The following ERBB4 variants were observed in gnomAD, a reference collection of about 807,000 sequenced individuals.
ERBB4 encodes receptor tyrosine-protein kinase erbB-4.
ERBB4 carries 42 observed loss-of-function variants against 158.0 expected under a neutral mutation model. The ratio of observed to expected loss-of-function variants is 0.27; its 90% CI spans 0.21 to 0.34. The LOEUF (loss-of-function observed/expected upper bound fraction) is 0.34, where lower values mean the gene tolerates loss of function less well. Among genes scored for constraint, ERBB4 ranks in the 10% least tolerant of loss-of-function variants. The pLI is 1.00. For missense variants in ERBB4, 1,333 were observed against 1,624.1 expected (o/e 0.82, Z 3.08); for synonymous variants, 583 against 558.7 (o/e 1.04, Z -0.61).
In ERBB4 at chr2:211,522,415, A is replaced by T. The variant is rs369820907; in HGVS notation, c.2487+39488T>A. 1.2e-3 allele frequency among the ~76,000 whole-genome samples: 186 copies of T among 151,626 alleles called. 1 individual carries two copies. Among genetic ancestry groups the T allele is most frequent in the African/African-American group, 4.2e-3 (172 of 40,936 alleles). ...CAATCTCATGTTAAAACTTCAATGG[A>T]TGAGTAGTTGTTTCTTATGGATGAG... On this transcript the variant is annotated intron_variant, in intron 20 of 27. Coordinates refer to ENST00000342788, the MANE Select transcript of ERBB4 (RefSeq NM_005235.3).
chr2:212,003,399 A>G (rs1350307742), intron 2 of ERBB4, among the ~76,000 whole-genome samples: 1 of 151,862 alleles, frequency 6.6e-6, no homozygotes, highest in African/African-American at 2.4e-5. Context: ...GTATAACTCA[A>G]TATGATGGAG....
chr2:211,959,120 T>TCCATCCAC (rs1192898778), intron 2 of ERBB4, among the ~76,000 whole-genome samples: 5 of 152,080 alleles, frequency 3.3e-5, no homozygotes, highest in Admixed American at 3.3e-4. Flanking sequence ...CATCCATCCA[T>TCCATCCAC]CCATCCACCC....
intron 1 of ERBB4, among the ~76,000 whole-genome samples, chr2:212,430,703 A>G (rs543343774): frequency 6.6e-6 from 1 of 152,274 alleles, no homozygotes; most frequent in East Asian, 1.9e-4. Context: ...ATTATGTTGT[A>G]TACATATTGA....
rs182611223 is a variant in ERBB4 at position 212,030,827 on chromosome 2, G to A, written c.235-83211C>T. Among the ~76,000 whole-genome samples the A allele has an allele frequency of 6.6e-5, 10 of 152,166 alleles. No homozygotes were observed. The East Asian group carries it at 1.9e-3, about 29-fold the overall frequency. ...ATTGTAAGCAGAGAAAGTTCCAGGA[G>A]GTAAAACCATCAGTCGTGGGTAGTT... is the stretch of plus-strand genomic sequence containing the variant. On this transcript the variant is annotated intron_variant, in intron 2 of 27. Coordinates refer to ENST00000342788, the MANE Select transcript of ERBB4 (RefSeq NM_005235.3).
Position 212,202,227 on chromosome 2 carries a change from G to T in ERBB4, c.83-77324C>A, listed in dbSNP as rs1227755538. On this transcript the variant is annotated intron_variant, in intron 1 of 27. Coordinates refer to ENST00000342788, the MANE Select transcript of ERBB4 (RefSeq NM_005235.3). ...TTATAAGTGATAGTAACTTTCTTTG[G>T]TTTTATCAATAGTGCATATTCATCA... Among the ~76,000 whole-genome samples the T allele has an allele frequency of 2.0e-5, 3 of 151,776 alleles. No homozygotes were observed. In the East Asian group the frequency reaches 5.8e-4, roughly 29 times the overall value.
chr2:212,391,819 T>C (rs2090882510), intron 1 of ERBB4, among the ~76,000 whole-genome samples: 1 of 147,008 alleles, frequency 6.8e-6, no homozygotes, highest in Non-Finnish European at 1.5e-5. Context: ...GGATTATATA[T>C]AAAAGAAGTT....
chr2:212,207,296 G>C (rs1006227350), intron 1 of ERBB4, among the ~76,000 whole-genome samples: 1 of 152,110 alleles, frequency 6.6e-6, no homozygotes, highest in African/African-American at 2.4e-5. Flanking sequence ...AGAAAGTGGA[G>C]TCAATATAAG....
chr2:211,682,634 T>C (rs1011602066), intron 12 of ERBB4, among the ~76,000 whole-genome samples: 7 of 152,250 alleles, frequency 4.6e-5, no homozygotes, highest in African/African-American at 9.6e-5. Context: ...AAAGATATCC[T>C]TTCTGTATGA....
intron 1 of ERBB4, among the ~76,000 whole-genome samples, chr2:212,470,592 G>A (rs1355528354): frequency 6.6e-6 from 1 of 152,110 alleles, no homozygotes; most frequent in South Asian, 2.1e-4. Flanking sequence ...ACTTTGTAGA[G>A]TTAATCTGTG....
intron 1 of ERBB4, among the ~76,000 whole-genome samples, chr2:212,412,861 A>G (rs2091536570): frequency 6.6e-6 from 1 of 152,234 alleles, no homozygotes; most frequent in African/African-American, 2.4e-5. Context: ...TAACATATTC[A>G]TTCACTAATT....
chr2:212,464,230 T>C (rs147069192), intron 1 of ERBB4, among the ~76,000 whole-genome samples: 1,703 of 152,272 alleles, frequency 0.011, 13 homozygotes, highest in Middle Eastern at 0.034. Context: ...TTTTTCACTA[T>C]TGTGTCATAT....
chr2:211,414,229 T>A (rs1211106934), intron 25 of ERBB4, among the ~76,000 whole-genome samples: 1 of 152,074 alleles, frequency 6.6e-6, no homozygotes, highest in Non-Finnish European at 1.5e-5. Context: ...CCTGGCGTGG[T>A]GGCTCACGCC....
At chr2:211,597,927 CTA>C (rs1433822765) in intron 19 of ERBB4, among the ~76,000 whole-genome samples, 1 of 152,116 alleles carries the variant, frequency 6.6e-6, no homozygotes, top group Non-Finnish European at 1.5e-5. Flanking sequence ...ATAAGAGAAT[CTA>C]TTTTATTTCA....
At chr2:211,809,456 G>C (rs971584252) in intron 3 of ERBB4, among the ~76,000 whole-genome samples, 1 of 152,176 alleles carries the variant, frequency 6.6e-6, no homozygotes, top group Non-Finnish European at 1.5e-5. Flanking sequence ...ATTTCTTCTA[G>C]ATTGTCCAGT....
intron 19 of ERBB4, among the ~76,000 whole-genome samples, chr2:211,588,380 G>A (rs939591): frequency 0.74 from 112,615 of 151,940 alleles, 43,723 homozygotes; most frequent in East Asian, 0.86. Flanking sequence ...AGTAATACGA[G>A]CAAACATAAA....
intron 1 of ERBB4, among the ~76,000 whole-genome samples, chr2:212,359,874 A>T (rs1010425480): frequency 5.3e-5 from 8 of 151,876 alleles, no homozygotes; most frequent in African/African-American, 1.7e-4. Flanking sequence ...TTCAAGAAAG[A>T]ATAAGTCATT....
At chr2:211,814,929 T>C (rs1255755724) in intron 3 of ERBB4, among the ~76,000 whole-genome samples, 1 of 152,168 alleles carries the variant, frequency 6.6e-6, no homozygotes, top group Admixed American at 6.5e-5. Flanking sequence ...GAATACACCA[T>C]TACAAACTGA....
intron 1 of ERBB4, among the ~76,000 whole-genome samples, chr2:212,126,669 T>C (rs2079940315): frequency 6.6e-6 from 1 of 152,036 alleles, no homozygotes; most frequent in Admixed American, 6.5e-5. Flanking sequence ...TAAGATATAC[T>C]GAATTTAAGG....
intron 3 of ERBB4, among the ~76,000 whole-genome samples, chr2:211,897,050 T>C (rs915430903): frequency 4.0e-5 from 6 of 150,044 alleles, no homozygotes; most frequent in African/African-American, 1.2e-4. Flanking sequence ...ATTAATATTA[T>C]ACAAATTATT....
Sources: allele counts gnomAD v4.1 joint callset (sites outside exome capture counted in the v4.1 genomes callset), GRCh38; gene constraint gnomAD v4.1.1; transcripts MANE v1.5; gene names NCBI Gene and HGNC (gene_info 2026-07-23, HGNC 2026-07-21).